The following ZNF704 variants were observed in gnomAD, a reference collection of about 807,000 sequenced individuals.
ZNF704 encodes glucocorticoid induced gene 1.
A neutral mutation model predicts 44.7 loss-of-function variants in ZNF704; 10 were observed. That is an observed-to-expected ratio of 0.22 (90% CI 0.14 to 0.38). The LOEUF (loss-of-function observed/expected upper bound fraction) is 0.38. Among genes scored for constraint, ZNF704 ranks in the 10% least tolerant of loss-of-function variants. The pLI is 1.00. For synonymous variants in ZNF704, 211 were observed against 207.6 expected, an observed-to-expected ratio of 1.02 and a Z score of -0.14; for missense variants, 390 against 545.5, an observed-to-expected ratio of 0.71 and a Z score of 2.84.
chr8:80,632,772 T>A lies in ZNF704; in HGVS notation c.*8594A>T, dbSNP rs1817608032. The stretch of plus-strand genomic sequence containing the variant: ...CATAGCTTTCTTCTTTCTTTCTTCA[T>A]GGGTCTTTCTACATCCTGTTATTGT... On this transcript the variant is annotated 3_prime_UTR_variant, in exon 9 of 9. Transcript: ENST00000327835. 1 of 152,242 alleles carries A rather than the reference T, an allele frequency of 6.6e-6. No homozygotes were observed. Among genetic ancestry groups the A allele is most frequent in the Admixed American group, 6.5e-5 (1 of 15,284 alleles). 9.4% of individuals were successfully genotyped at this position (152,242 alleles called of 1,614,324 possible).
chr8:80,666,071 G>A (rs1347240787), intron 5 of ZNF704, among the ~76,000 whole-genome samples: 5 of 151,472 alleles, frequency 3.3e-5, no homozygotes, highest in Admixed American at 2.6e-4. Flanking sequence ...CCACTAACTC[G>A]TCATCTAGCA....
At chr8:80,867,758 A>G (rs1057105319) in intron 1 of ZNF704, among the ~76,000 whole-genome samples, 6 of 152,230 alleles carry the variant, frequency 3.9e-5, no homozygotes, top group Non-Finnish European at 7.3e-5. Context: ...CTGATATTCA[A>G]GAGATAGTCT....
At position 80,864,988 on chromosome 8, in the gene ZNF704, A is replaced by G. The variant is rs371183285; in HGVS notation, c.-22+9583T>C. Among the ~76,000 whole-genome samples the G allele has an allele frequency of 9.9e-5, 15 of 152,270 alleles. No homozygotes were observed. The East Asian group carries it at 2.3e-3, about 23-fold the overall frequency. ...CTTTGCACAAGTAGATAAATGACTCACAGCTTCCTGAGCTGAAAGGGAAGA... is the reference window on the plus strand; with the variant it reads ...CTTTGCACAAGTAGATAAATGACTCGCAGCTTCCTGAGCTGAAAGGGAAGA... On this transcript the variant is annotated intron_variant, in intron 1 of 8. Coordinates refer to ENST00000327835, the MANE Select transcript of ZNF704 (RefSeq NM_001033723.3).
intron 2 of ZNF704, among the ~76,000 whole-genome samples, chr8:80,695,543 G>A (rs1039382084): frequency 1.3e-5 from 2 of 152,098 alleles, no homozygotes; most frequent in African/African-American, 2.4e-5. Context: ...ACCTTTTTCC[G>A]TCTTCTACAT....
chr8:80,777,459 T>C (rs1028672577), intron 2 of ZNF704, among the ~76,000 whole-genome samples: 3 of 152,198 alleles, frequency 2.0e-5, no homozygotes, highest in African/African-American at 7.2e-5. Flanking sequence ...CATACTACAA[T>C]GAACATCTGT....
chr8:80,866,721 T>TCGG (rs1554589071), intron 1 of ZNF704, among the ~76,000 whole-genome samples: 7 of 150,708 alleles, frequency 4.6e-5, no homozygotes, highest in African/African-American at 1.2e-4. Flanking sequence ...CTTGCGGGGT[T>TCGG]GGGGGGGGGA....
intron 2 of ZNF704, among the ~76,000 whole-genome samples, chr8:80,771,682 T>C (rs1312136710): frequency 6.6e-6 from 1 of 152,186 alleles, no homozygotes; most frequent in East Asian, 1.9e-4. Flanking sequence ...TTCCAGTCTG[T>C]ATGTCTTCAG....
chr8:80,715,603 T>C (rs969402965), intron 2 of ZNF704, among the ~76,000 whole-genome samples: 7 of 152,212 alleles, frequency 4.6e-5, no homozygotes, highest in African/African-American at 1.4e-4. Context: ...GCTTGTAAGA[T>C]TGGTCTGATC....
At chr8:80,822,605 C>G (rs1052619626) in intron 1 of ZNF704, among the ~76,000 whole-genome samples, 1 of 152,120 alleles carries the variant, frequency 6.6e-6, no homozygotes, top group Non-Finnish European at 1.5e-5. Flanking sequence ...AGTTCTAGAT[C>G]CCTGAGGAAT....
chr8:80,705,207 C>T (rs1023674580), intron 2 of ZNF704, among the ~76,000 whole-genome samples: 4 of 152,152 alleles, frequency 2.6e-5, no homozygotes, highest in African/African-American at 9.7e-5. Context: ...GCCACTGAGG[C>T]TGCATATGAT....
At chr8:80,805,649 AG>A (rs1807977594) in intron 2 of ZNF704, among the ~76,000 whole-genome samples, 1 of 152,186 alleles carries the variant, frequency 6.6e-6, no homozygotes, top group Non-Finnish European at 1.5e-5. Flanking sequence ...AGTGTCCAAA[AG>A]GCACAGGAAT....
At chr8:80,664,270 G>A (rs1444265535) in intron 6 of ZNF704, among the ~76,000 whole-genome samples, 3 of 148,170 alleles carry the variant, frequency 2.0e-5, no homozygotes, top group African/African-American at 7.8e-5. Flanking sequence ...ATAACATTAG[G>A]GATTTTTTTT....
At chr8:80,795,297 CT>C (rs1807779678) in intron 2 of ZNF704, among the ~76,000 whole-genome samples, 1 of 152,120 alleles carries the variant, frequency 6.6e-6, no homozygotes. Context: ...AAAAATGGCA[CT>C]GTAACTTGTA....
intron 2 of ZNF704, among the ~76,000 whole-genome samples, chr8:80,816,005 G>T (rs1002148130): frequency 6.6e-6 from 1 of 152,178 alleles, no homozygotes; most frequent in Non-Finnish European, 1.5e-5. Context: ...TACCTTGATG[G>T]TCTTTCAAAA....
intron 3 of ZNF704, 43 bp downstream of exon 3, chr8:80,692,961 G>T: frequency 6.5e-7 from 1 of 1,543,736 alleles, no homozygotes; most frequent in Non-Finnish European, 8.9e-7. Flanking sequence ...CCCTGCTCTT[G>T]GTGTCAAGGG....
chr8:80,726,015 C>T (rs1020756849), intron 2 of ZNF704, among the ~76,000 whole-genome samples: 1 of 151,048 alleles, frequency 6.6e-6, no homozygotes, highest in Non-Finnish European at 1.5e-5. Flanking sequence ...GGGAAAGAGT[C>T]AATAAATTAT....
At chr8:80,830,613 T>C (rs959348459) in intron 1 of ZNF704, among the ~76,000 whole-genome samples, 1 of 151,998 alleles carries the variant, frequency 6.6e-6, no homozygotes, top group Non-Finnish European at 1.5e-5. Context: ...GGAGGAATGT[T>C]GTGGCATTTA....
intron 2 of ZNF704, among the ~76,000 whole-genome samples, chr8:80,773,311 T>G (rs1350259754): frequency 5.9e-5 from 9 of 152,236 alleles, no homozygotes; most frequent in Non-Finnish European, 1.0e-4. Flanking sequence ...AGTGGTCGCT[T>G]TAGATATTAC....
At chr8:80,649,498 C>T (rs576676490) in intron 7 of ZNF704, among the ~76,000 whole-genome samples, 6 of 152,314 alleles carry the variant, frequency 3.9e-5, no homozygotes, top group East Asian at 3.9e-4. Flanking sequence ...TCTTAGCAAA[C>T]GGCACACCAG....
Sources: gnomAD v4.1 joint callset for allele counts (sites outside exome capture counted in the v4.1 genomes callset) on GRCh38, gnomAD v4.1.1 for gene constraint, MANE v1.5 for transcripts, NCBI Gene and HGNC (gene_info 2026-07-23, HGNC 2026-07-21) for gene names.